Variants in KIF4A observed in about 807,000 individuals in gnomAD.
KIF4A encodes the protein chromosome-associated kinesin KIF4A.
KIF4A carries 7 observed loss-of-function variants against 105.9 expected under a neutral mutation model. That is an observed-to-expected ratio of 0.07 (90% CI 0.04 to 0.12). The LOEUF (loss-of-function observed/expected upper bound fraction) is 0.12, where lower values mean the gene tolerates loss of function less well. Among genes scored for constraint, KIF4A ranks in the 10% least tolerant of loss-of-function variants. The pLI is 1.00. For missense variants in KIF4A, 558 were observed against 929.2 expected (o/e 0.60, Z 5.19); for synonymous variants, 281 against 331.3 (o/e 0.85, Z 1.65).
chrX:70,349,908 C>T (rs1266850778), intron 13 of KIF4A, among the ~76,000 whole-genome samples: 4 of 92,015 alleles, frequency 4.3e-5, no homozygotes, highest in Non-Finnish European at 4.3e-5. Context: ...CGGGCAGAGA[C>T]GCTCCTCACC....
At chrX:70,302,272 A>G (rs755549918) in intron 6 of KIF4A, 32 bp from the exon 7 acceptor site, 28 of 1,196,084 alleles carry the variant, frequency 2.3e-5, no homozygotes, top group Non-Finnish European at 3.1e-5. Flanking sequence ...CTTGTGTACC[A>G]TTCTCACTGT....
intron 7 of KIF4A, among the ~76,000 whole-genome samples, chrX:70,307,822 T>C (rs1005210750): frequency 8.9e-6 from 1 of 112,359 alleles, no homozygotes; most frequent in Non-Finnish European, 1.9e-5. Context: ...ACTGATTCTG[T>C]AAACTGGATT....
chrX:70,372,082 G>A (rs753704191), intron 15 of KIF4A, among the ~76,000 whole-genome samples: 1 of 108,444 alleles, frequency 9.2e-6, no homozygotes, highest in East Asian at 3.0e-4. Context: ...TTCCTAGATG[G>A]GATGGCGGCC....
chrX:70,350,354 G>A (rs916480238), intron 13 of KIF4A, among the ~76,000 whole-genome samples: 8 of 111,798 alleles, frequency 7.2e-5, no homozygotes, highest in African/African-American at 1.9e-4. Flanking sequence ...GCTTGGCGGC[G>A]GGTGCCTGCA....
chrX:70,418,707 T>C (rs1434978307), intron 29 of KIF4A, among the ~76,000 whole-genome samples: 1 of 112,068 alleles, frequency 8.9e-6, no homozygotes, highest in Non-Finnish European at 1.9e-5. Flanking sequence ...TATACAGTAA[T>C]TCTAGCAAGC....
In KIF4A at chrX:70,419,696, C is replaced by T. The variant is rs143580286; in HGVS notation, c.3408C>T (p.Ser1136=). 1.1e-5 allele frequency: 13 copies of T among 1,207,564 alleles called. No homozygotes were observed. The highest frequency in any genetic ancestry group is 1.1e-5 in the Non-Finnish European group (10 of 894,620). The change falls in exon 30 of 31, where the codon TCC becomes TCT. Residue 1136 remains serine, a synonymous_variant. Coordinates refer to ENST00000374403, the MANE Select transcript of KIF4A (RefSeq NM_012310.5). Reference sequence around the variant, plus strand: ...GCACTGTTGAACGGACCCAGGATTCCGAAGGCTCCTTCAAACTGGAGGATC... The same window carrying T: ...GCACTGTTGAACGGACCCAGGATTCTGAAGGCTCCTTCAAACTGGAGGATC... ...SLGTVERTQD[S]EGSFKLEDPT...
At chrX:70,373,946 G>T (rs904986172) in intron 15 of KIF4A, among the ~76,000 whole-genome samples, 34 of 104,932 alleles carry the variant, frequency 3.2e-4, no homozygotes, top group African/African-American at 1.1e-3. Context: ...AAGCGTGGCA[G>T]TCAAGATTAA....
chrX:70,387,081 A>G (rs1320684501), intron 19 of KIF4A, 103 bp from the exon 20 acceptor site: 4 of 552,248 alleles, frequency 7.2e-6, no homozygotes, highest in Non-Finnish European at 1.2e-5. Flanking sequence ...TGGTTCCTAT[A>G]GGAACTCAAA....
chrX:70,347,686 T>C (rs1261257063), intron 13 of KIF4A, among the ~76,000 whole-genome samples: 1 of 110,011 alleles, frequency 9.1e-6, no homozygotes, highest in Non-Finnish European at 1.9e-5. Flanking sequence ...TTTTTAAGAA[T>C]GATTTAGGGC....
Position 70,292,981 on chromosome X carries a change from C to T in KIF4A, c.235+2176C>T, listed in dbSNP as rs751671148. On this transcript the variant is annotated intron_variant, in intron 3 of 30. Coordinates refer to ENST00000374403, the MANE Select transcript of KIF4A (RefSeq NM_012310.5). ...ACAGCACCCTCTTGTACTCTGAACTCCTGGTACCACAGAGCCCTAAGTATT... is the reference window on the plus strand; with the variant it reads ...ACAGCACCCTCTTGTACTCTGAACTTCTGGTACCACAGAGCCCTAAGTATT... 3.6e-5 allele frequency among the ~76,000 whole-genome samples: 4 copies of T among 112,252 alleles called. No individual in the cohort carries two copies. The East Asian group carries it at 1.1e-3, about 31-fold the overall frequency.
rs2086256163 is a variant in KIF4A at position 70,395,573 on chromosome X, G to A, written c.2233-98G>A. On this transcript the variant is annotated intron_variant, in intron 20 of 30. Transcript: ENST00000374403. ...ATGGATATCACACTTGTAGTTACTTGGGCTCTGGTCCAAATGAAGTTAAGT... is the reference window on the plus strand; with the variant it reads ...ATGGATATCACACTTGTAGTTACTTAGGCTCTGGTCCAAATGAAGTTAAGT... 17 of 1,051,466 alleles carry A rather than the reference G, an allele frequency of 1.6e-5. No individual in the cohort carries two copies. The South Asian group carries it at 3.5e-4, about 22-fold the overall frequency. 86.7% of individuals were successfully genotyped at this position (1,051,466 alleles called of 1,213,427 possible). A position where few individuals can be genotyped will look rare whatever the true frequency, so the allele number is the denominator to read the frequency against.
chrX:70,403,232 C>T lies in KIF4A; in HGVS notation c.2619+537C>T, dbSNP rs1315502636. Among the ~76,000 whole-genome samples, 6 of 112,416 alleles carry T rather than the reference C, an allele frequency of 5.3e-5. No individual in the cohort carries two copies. In the Admixed American group the frequency reaches 5.7e-4, roughly 11 times the overall value. On this transcript the variant is annotated intron_variant, in intron 23 of 30. Coordinates refer to ENST00000374403, the MANE Select transcript of KIF4A (RefSeq NM_012310.5). ...TTTTCACTCAAGATAAGCATACAAA[C>T]TCCAAACCCACAAGTTTAAACAATG...
At chrX:70,419,413 G>T (rs774497680) in intron 29 of KIF4A, among the ~76,000 whole-genome samples, 2 of 111,916 alleles carry the variant, frequency 1.8e-5, no homozygotes, top group Non-Finnish European at 3.8e-5. Flanking sequence ...CTTTAAACCT[G>T]GCCTTGTGAG....
At chrX:70,407,539 G>C (rs1355614318) in intron 28 of KIF4A, among the ~76,000 whole-genome samples, 2 of 111,583 alleles carry the variant, frequency 1.8e-5, no homozygotes, top group East Asian at 2.8e-4. Context: ...TCCACTAAAG[G>C]GGGGCTTGTT....
chrX:70,311,136 A>G (rs1478599367), intron 7 of KIF4A, among the ~76,000 whole-genome samples: 1 of 109,293 alleles, frequency 9.1e-6, no homozygotes, highest in Non-Finnish European at 1.9e-5. Flanking sequence ...AAAAAAAAAA[A>G]GAAGAAGAAG....
intron 3 of KIF4A, among the ~76,000 whole-genome samples, chrX:70,291,236 T>C (rs2085759211): frequency 9.0e-6 from 1 of 111,149 alleles, no homozygotes; most frequent in African/African-American, 3.3e-5. Context: ...TTTGAATATA[T>C]AAAAATTTTT....
intron 20 of KIF4A, among the ~76,000 whole-genome samples, chrX:70,391,579 CA>C (rs956185616): frequency 1.8e-5 from 2 of 111,561 alleles, no homozygotes; most frequent in Non-Finnish European, 3.8e-5. Context: ...GATTGATGTT[CA>C]AATATGGAAC....
chrX:70,369,121 G>T (rs1416566484), intron 15 of KIF4A, among the ~76,000 whole-genome samples: 4 of 112,258 alleles, frequency 3.6e-5, no homozygotes, highest in Non-Finnish European at 7.5e-5. Flanking sequence ...GGGTCGGAGT[G>T]ACCCGATTTT....
At chrX:70,393,852 TCTTTCTTTCTTTC>T (rs2086248369) in intron 20 of KIF4A, among the ~76,000 whole-genome samples, 1 of 7,649 alleles carries the variant, frequency 1.3e-4, no homozygotes, top group Non-Finnish European at 9.5e-4. Flanking sequence ...TTTCTTTCTT[TCTTTCTTTCTTTC>T]TTTCTTTTTT....
Sources: gnomAD v4.1 joint callset for allele counts (sites outside exome capture counted in the v4.1 genomes callset) on GRCh38, gnomAD v4.1.1 for gene constraint, MANE v1.5 for transcripts, NCBI Gene and HGNC (gene_info 2026-07-23, HGNC 2026-07-21) for gene names.